Variants in SLC9A2 observed in about 807,000 individuals in gnomAD.
SLC9A2 encodes solute carrier family 9 member A2.
In SLC9A2, 42 loss-of-function variants were observed where a neutral mutation model predicts 71.7. The ratio of observed to expected loss-of-function variants is 0.59; its 90% CI spans 0.46 to 0.76. The LOEUF is 0.76. SLC9A2 is among the 30% of genes least tolerant of loss of function. SLC9A2 has a pLI of 0.00. For synonymous variants in SLC9A2, 396 were observed against 392.5 expected (o/e 1.01, Z -0.10); for missense variants, 829 against 1,017.4 (o/e 0.81, Z 2.52).
At chr2:102,641,449 A>C (rs1676580400) in intron 1 of SLC9A2, among the ~76,000 whole-genome samples, 1 of 150,318 alleles carries the variant, frequency 6.7e-6, no homozygotes, top group Non-Finnish European at 1.5e-5. Context: ...CTTTGTCCCC[A>C]CTCTAGTGAG....
intron 3 of SLC9A2, among the ~76,000 whole-genome samples, chr2:102,678,765 C>T (rs1448725419): frequency 6.6e-6 from 1 of 152,106 alleles, no homozygotes; most frequent in Non-Finnish European, 1.5e-5. Flanking sequence ...TCTTGTGATT[C>T]TTTTAGAGAA....
chr2:102,695,743 G>A (rs1414524025), intron 7 of SLC9A2, among the ~76,000 whole-genome samples: 2 of 118,428 alleles, frequency 1.7e-5, no homozygotes, highest in African/African-American at 3.0e-5. Context: ...GTAAACAGAT[G>A]AGCAGAAATA....
chr2:102,690,826 A>G (rs943486954), intron 5 of SLC9A2, among the ~76,000 whole-genome samples: 2 of 152,156 alleles, frequency 1.3e-5, no homozygotes, highest in Admixed American at 6.5e-5. Flanking sequence ...GATATTTTTT[A>G]ATACATGAAA....
At chr2:102,625,365 C>T (rs1001361663) in intron 1 of SLC9A2, among the ~76,000 whole-genome samples, 2 of 152,112 alleles carry the variant, frequency 1.3e-5, no homozygotes, top group Non-Finnish European at 1.5e-5. Context: ...TACATGTGCA[C>T]AACGTGCAGG....
rs1471073224 is a variant in SLC9A2 at position 102,631,880 on chromosome 2, C to G, written c.289+11743C>G. 2.7e-5 allele frequency among the ~76,000 whole-genome samples: 4 copies of G among 149,950 alleles called. No individual in the cohort carries two copies. In the South Asian group the frequency reaches 6.3e-4, roughly 24 times the overall value. ...TGACCTAAGTTTTGGGAAAGATAGC[C>G]CTGGATTAGAAGCAGGAAGACCCTG... On this transcript the variant is annotated intron_variant, in intron 1 of 11. Coordinates refer to ENST00000233969, the MANE Select transcript of SLC9A2 (RefSeq NM_003048.6).
chr2:102,652,225 T>C (rs755634572), intron 1 of SLC9A2, among the ~76,000 whole-genome samples: 12 of 152,228 alleles, frequency 7.9e-5, no homozygotes, highest in Non-Finnish European at 1.8e-4. Context: ...TCTGGTTCTT[T>C]TGTTTCTTGG....
intron 2 of SLC9A2, among the ~76,000 whole-genome samples, chr2:102,664,505 T>C (rs929051678): frequency 1.3e-5 from 2 of 151,408 alleles, no homozygotes; most frequent in Non-Finnish European, 1.5e-5. Context: ...CCTCTTTGCT[T>C]GAAGAAAATT....
In SLC9A2 at chr2:102,700,380, G is replaced by A. The variant is rs114158196; in HGVS notation, c.1587-690G>A. Reference sequence around the variant, plus strand: ...GCGGTATGAAAGAGGATTAAGAACCGAGGCCCAGAGCACTCCTACATTAAC... The same window carrying A: ...GCGGTATGAAAGAGGATTAAGAACCAAGGCCCAGAGCACTCCTACATTAAC... On this transcript the variant is annotated intron_variant, in intron 7 of 11. Transcript: ENST00000233969. Among the ~76,000 whole-genome samples, 210 of 152,244 alleles carry A rather than the reference G, an allele frequency of 1.4e-3. 2 individuals are homozygous for A. The East Asian group carries it at 0.028, about 21-fold the overall frequency.
intron 10 of SLC9A2, 148 bp from the exon 11 acceptor site, chr2:102,705,698 A>G (rs1260083957): frequency 8.3e-6 from 4 of 483,258 alleles, no homozygotes; most frequent in African/African-American, 2.0e-5. Context: ...TCAAGTTATA[A>G]TAGTTATAGC....
intron 1 of SLC9A2, among the ~76,000 whole-genome samples, chr2:102,629,375 A>T (rs978650400): frequency 3.3e-5 from 5 of 152,056 alleles, no homozygotes; most frequent in African/African-American, 1.2e-4. Context: ...TTGCGCATGT[A>T]CTTTTTTTCC....
chr2:102,636,074 G>A (rs948981334), intron 1 of SLC9A2, among the ~76,000 whole-genome samples: 2 of 152,084 alleles, frequency 1.3e-5, no homozygotes, highest in African/African-American at 2.4e-5. Context: ...TTAATGGAAC[G>A]TAATAATTAT....
At chr2:102,635,306 T>C (rs1031089668) in intron 1 of SLC9A2, among the ~76,000 whole-genome samples, 1 of 152,232 alleles carries the variant, frequency 6.6e-6, no homozygotes, top group African/African-American at 2.4e-5. Flanking sequence ...GAAGGATACA[T>C]TGTTCGTGTT....
intron 1 of SLC9A2, among the ~76,000 whole-genome samples, chr2:102,631,069 G>A (rs887687124): frequency 1.3e-5 from 2 of 151,988 alleles, no homozygotes; most frequent in South Asian, 2.1e-4. Context: ...ATGGTTTGGA[G>A]TGTGCTTCTT....
intron 8 of SLC9A2, 29 bp downstream of exon 8, chr2:102,701,260 G>C: frequency 6.6e-7 from 1 of 1,518,664 alleles, no homozygotes; most frequent in African/African-American, 1.4e-5. Flanking sequence ...ATAAAAGTTA[G>C]TATTGTTAAA....
At chr2:102,676,042 C>T (rs1001807847) in intron 3 of SLC9A2, among the ~76,000 whole-genome samples, 6 of 152,182 alleles carry the variant, frequency 3.9e-5, no homozygotes, top group Non-Finnish European at 1.5e-5. Flanking sequence ...GACCATACTG[C>T]TCTAATATAC....
At chr2:102,688,034 C>T (rs1677582968) in intron 5 of SLC9A2, among the ~76,000 whole-genome samples, 1 of 152,086 alleles carries the variant, frequency 6.6e-6, no homozygotes, top group African/African-American at 2.4e-5. Context: ...CCCACCTTGG[C>T]CTCCCAAAGA....
intron 3 of SLC9A2, among the ~76,000 whole-genome samples, chr2:102,682,145 T>C (rs780547726): frequency 6.6e-6 from 1 of 152,166 alleles, no homozygotes; most frequent in African/African-American, 2.4e-5. Context: ...TGGCTCCCTC[T>C]AATCCCATCC....
intron 5 of SLC9A2, among the ~76,000 whole-genome samples, chr2:102,693,116 G>T (rs1677695203): frequency 6.6e-6 from 1 of 151,442 alleles, no homozygotes; most frequent in Admixed American, 6.6e-5. Flanking sequence ...GCTATTGTAG[G>T]TGTTTATTCT....
chr2:102,684,278 G>A lies in SLC9A2; in HGVS notation c.1367G>A (p.Arg456Gln), dbSNP rs200846141. The A allele has an allele frequency of 7.9e-5, 127 of 1,614,036 alleles. No homozygotes were observed. Among genetic ancestry groups the A allele is most frequent in the East Asian group, 1.1e-4 (5 of 44,882 alleles). ...VFLLPAAVFPRKKLFITAAIV... is the reference protein window; with the variant it reads ...VFLLPAAVFPQKKLFITAAIV... ...CTCCTTCCTGCTGCTGTGTTTCCTC[G>A]GAAAAAATTGTTTATTACGGCTGCC... Residue 456 changes from arginine to glutamine, a missense_variant, in exon 5 of 12, where the codon CGG becomes CAG. Coordinates refer to ENST00000233969, the MANE Select transcript of SLC9A2 (RefSeq NM_003048.6).
Sources: gnomAD v4.1 joint callset for allele counts (sites outside exome capture counted in the v4.1 genomes callset) on GRCh38, gnomAD v4.1.1 for gene constraint, MANE v1.5 for transcripts, NCBI Gene and HGNC (gene_info 2026-07-23, HGNC 2026-07-21) for gene names.